TENM3: variants seen among roughly 807,000 people sequenced by gnomAD.
The protein encoded by TENM3 is teneurin-3.
Under a neutral mutation model 255.1 loss-of-function variants are expected in TENM3, and 63 were observed. The ratio of observed to expected loss-of-function variants is 0.25; its 90% CI spans 0.20 to 0.30. The LOEUF (loss-of-function observed/expected upper bound fraction) is 0.30, where lower values mean the gene tolerates loss of function less well. Ranked by LOEUF, TENM3 falls within the 10% of genes least tolerant of loss-of-function variation. The pLI is 1.00. For missense variants in TENM3, 2,929 were observed against 3,461.1 expected (o/e 0.85, Z 3.86); for synonymous variants, 1,306 against 1,322.3 (o/e 0.99, Z 0.27).
At chr4:182,149,880 A>G (rs965976949) in intron 1 of TENM3, among the ~76,000 whole-genome samples, 8 of 152,090 alleles carry the variant, frequency 5.3e-5, no homozygotes, top group African/African-American at 1.7e-4. Flanking sequence ...TGTAGTTTGT[A>G]CTAGAGCATG....
rs187685811 is a variant in TENM3, at chr4:182,259,459, G to A, written c.-76+15983G>A. Among the ~76,000 whole-genome samples the A allele has an allele frequency of 5.9e-5, 9 of 152,000 alleles. No individual in the cohort carries two copies. In the Middle Eastern group the frequency reaches 0.01, roughly 172 times the overall value. On this transcript the variant is annotated intron_variant, in intron 1 of 27. Coordinates refer to ENST00000511685, the MANE Select transcript of TENM3 (RefSeq NM_001080477.4). ...CCCACGTAGCTGGGACCACAGGTGC[G>A]CGCCACCACACCTGGCTAATTTTTA...
the TENM3 span, among the ~76,000 whole-genome samples, chr4:181,583,859 T>G: frequency 6.6e-6 from 1 of 152,210 alleles, no homozygotes; most frequent in African/African-American, 2.4e-5. Context: ...TAGAATCAAA[T>G]TTTGTTCTTG....
rs140911680 is a variant in TENM3 at position 182,746,225 on chromosome 4, C to T, written c.3629+2806C>T. ...TTGACACTTAATCATACCCGTGGTC[C>T]GTGGTTTCAAATGTGAGAATAGTTC... is the stretch of plus-strand genomic sequence containing the variant. On this transcript the variant is annotated intron_variant, in intron 19 of 27. Transcript: ENST00000511685. 1.2e-3 allele frequency among the ~76,000 whole-genome samples: 181 copies of T among 152,140 alleles called. 1 individual carries two copies. Among genetic ancestry groups the T allele is most frequent in the African/African-American group, 4.1e-3 (172 of 41,474 alleles).
chr4:181,565,365 A>G, the TENM3 span, among the ~76,000 whole-genome samples: 1 of 152,244 alleles, frequency 6.6e-6, no homozygotes, highest in African/African-American at 2.4e-5. Context: ...ATGAAGAAAC[A>G]TACTTAGAGA....
At chr4:182,300,185 A>C (rs915022054) in intron 1 of TENM3, among the ~76,000 whole-genome samples, 3 of 152,136 alleles carry the variant, frequency 2.0e-5, no homozygotes, top group African/African-American at 7.2e-5. Flanking sequence ...AAGTGCTTGG[A>C]TTACAGGCGT....
chr4:181,717,849 G>T, the TENM3 span, among the ~76,000 whole-genome samples: 1 of 152,316 alleles, frequency 6.6e-6, no homozygotes, highest in South Asian at 2.1e-4. Context: ...GAGGGGAGTA[G>T]AGATAATGTA....
At position 182,710,712 on chromosome 4, in the gene TENM3, T is replaced by C. The variant is rs137911545; in HGVS notation, c.2222-3375T>C. On this transcript the variant is annotated intron_variant, in intron 12 of 27. Coordinates refer to ENST00000511685, the MANE Select transcript of TENM3 (RefSeq NM_001080477.4). ...TGCATATGTCAGCAGTGAAAAATAA[T>C]CAACAAAAGCATCTTTGAAAAGCAA... 2.9e-3 allele frequency among the ~76,000 whole-genome samples: 445 copies of C among 152,312 alleles called. 5 individuals are homozygous for C. Among genetic ancestry groups the C allele is most frequent in the African/African-American group, 9.9e-3 (412 of 41,574 alleles).
chr4:182,581,860 G>T (rs1745525979), intron 3 of TENM3, among the ~76,000 whole-genome samples: 1 of 152,082 alleles, frequency 6.6e-6, no homozygotes, highest in South Asian at 2.1e-4. Context: ...ATGATATCTA[G>T]AGTCTTGTCA....
the TENM3 span, among the ~76,000 whole-genome samples, chr4:181,821,931 G>A: frequency 0.99 from 150,907 of 152,340 alleles, 74,762 homozygotes; most frequent in East Asian, 1. Context: ...ATTTAACTCG[G>A]TTGTTTTGGG....
At chr4:182,190,298 G>C (rs1327301373) in intron 1 of TENM3, 3 of 152,138 alleles carry the variant, frequency 2.0e-5, no homozygotes, top group African/African-American at 7.2e-5. Context: ...GTGTGGCTCT[G>C]ACATATAAGC....
At chr4:181,464,851 T>A in the TENM3 span, among the ~76,000 whole-genome samples, 1 of 152,108 alleles carries the variant, frequency 6.6e-6, no homozygotes, top group Non-Finnish European at 1.5e-5. Flanking sequence ...CTTGGGAGGC[T>A]GAGGCAGGAG....
chr4:182,409,908 C>T (rs557757688), intron 3 of TENM3, among the ~76,000 whole-genome samples: 3 of 151,790 alleles, frequency 2.0e-5, no homozygotes, highest in African/African-American at 7.3e-5. Flanking sequence ...ACTGCAGCCT[C>T]GTCTTTCTGG....
intron 18 of TENM3, 89 bp downstream of exon 18, chr4:182,738,633 C>A: frequency 2.7e-6 from 3 of 1,111,644 alleles, no homozygotes; most frequent in Non-Finnish European, 2.5e-6. Context: ...GAGATTGTAG[C>A]AACATTTTAT....
intron 24 of TENM3, among the ~76,000 whole-genome samples, chr4:182,784,221 G>T (rs928597859): frequency 6.6e-6 from 1 of 152,128 alleles, no homozygotes; most frequent in Admixed American, 6.5e-5. Flanking sequence ...GTGATGTACA[G>T]ATGGGTTTTT....
At chr4:182,769,545 AG>A (rs1764003174) in intron 22 of TENM3, among the ~76,000 whole-genome samples, 1 of 151,910 alleles carries the variant, frequency 6.6e-6, no homozygotes, top group Non-Finnish European at 1.5e-5. Flanking sequence ...GCACTTTGGG[AG>A]GCCGAGGCGG....
At chr4:181,964,354 G>A in the TENM3 span, among the ~76,000 whole-genome samples, 1 of 152,300 alleles carries the variant, frequency 6.6e-6, no homozygotes, top group African/African-American at 2.4e-5. Flanking sequence ...TCTCCGGTAA[G>A]CTACTGTATC....
chr4:182,010,085 A>C, the TENM3 span, among the ~76,000 whole-genome samples: 2 of 152,088 alleles, frequency 1.3e-5, no homozygotes, highest in Non-Finnish European at 2.9e-5. Context: ...ATATTCACAC[A>C]CTTATTATGG....
At chr4:182,440,531 T>G (rs1390576450) in intron 3 of TENM3, among the ~76,000 whole-genome samples, 1 of 152,110 alleles carries the variant, frequency 6.6e-6, no homozygotes, top group Non-Finnish European at 1.5e-5. Context: ...CATGTCTAGA[T>G]CTACAGCCTG....
the TENM3 span, among the ~76,000 whole-genome samples, chr4:182,115,975 C>G: frequency 2.1e-3 from 325 of 152,260 alleles, no homozygotes; most frequent in African/African-American, 7.4e-3. Context: ...TCCTGTCCCC[C>G]CTACAATCAA....
Sources: gnomAD v4.1 joint callset for allele counts (sites outside exome capture counted in the v4.1 genomes callset) on GRCh38, gnomAD v4.1.1 for gene constraint, MANE v1.5 for transcripts, NCBI Gene and HGNC (gene_info 2026-07-23, HGNC 2026-07-21) for gene names.